C4orf51: variants seen among roughly 807,000 people sequenced by gnomAD.
The protein encoded by C4orf51 is uncharacterized protein C4orf51.
C4orf51 carries 25 observed loss-of-function variants against 25.2 expected under a neutral mutation model. That is an observed-to-expected ratio of 0.99 (90% CI 0.72 to 1.39). The LOEUF (loss-of-function observed/expected upper bound fraction) is 1.39, where lower values mean the gene tolerates loss of function less well. C4orf51 is among the 40% of genes most tolerant of loss of function. The pLI is 0.00. For synonymous variants in C4orf51, 100 were observed against 84.5 expected (o/e 1.18, Z -1.01); for missense variants, 252 against 239.6 (o/e 1.05, Z -0.34).
chr4:145,711,283 C>T (rs1028519997), intron 2 of C4orf51, among the ~76,000 whole-genome samples: 1 of 152,168 alleles, frequency 6.6e-6, no homozygotes, highest in Admixed American at 6.5e-5. Flanking sequence ...ACTTTTCAAA[C>T]CTATACTGTT....
intron 2 of C4orf51, among the ~76,000 whole-genome samples, chr4:145,720,530 G>A (rs1422250535): frequency 6.6e-6 from 1 of 152,146 alleles, no homozygotes; most frequent in Non-Finnish European, 1.5e-5. Context: ...TGCTAGCTGA[G>A]GTGCTGCACT....
the C4orf51 span, among the ~76,000 whole-genome samples, chr4:145,792,137 T>C: frequency 6.6e-6 from 1 of 152,174 alleles, no homozygotes; most frequent in South Asian, 2.1e-4. Flanking sequence ...GCCAATACCA[T>C]GTGTTAAATG....
At chr4:145,710,805 G>T (rs1449113054) in intron 2 of C4orf51, among the ~76,000 whole-genome samples, 1 of 151,760 alleles carries the variant, frequency 6.6e-6, no homozygotes, top group Admixed American at 6.6e-5. Context: ...GGGGTGTGGG[G>T]TGGGGGTAGG....
the C4orf51 span, among the ~76,000 whole-genome samples, chr4:145,780,192 AAAACAAAC>A: frequency 2.7e-4 from 41 of 151,250 alleles, no homozygotes; most frequent in East Asian, 1.2e-3. Context: ...CGCTGTCTCA[AAAACAAAC>A]AAACAAACAA....
intron 2 of C4orf51, among the ~76,000 whole-genome samples, chr4:145,704,954 T>C (rs1206064927): frequency 6.6e-6 from 1 of 152,220 alleles, no homozygotes; most frequent in African/African-American, 2.4e-5. Context: ...AGAGATCAAG[T>C]GCGCAGTTTG....
chr4:145,716,177 T>A (rs1436343827), intron 2 of C4orf51, among the ~76,000 whole-genome samples: 1 of 151,980 alleles, frequency 6.6e-6, no homozygotes, highest in African/African-American at 2.4e-5. Context: ...CTCAATAAAA[T>A]TTTTTTTTCT....
downstream of C4orf51, chr4:145,775,909 G>C: frequency 6.2e-7 from 1 of 1,614,182 alleles, no homozygotes; most frequent in Non-Finnish European, 8.5e-7. Context: ...GTTCAGATTT[G>C]CACGGCACTT....
At position 145,761,700 on chromosome 4, in the gene C4orf51, T is replaced by C. The variant is rs1261072707; in HGVS notation, n.167-9288T>C. ...CCTTCCCTCACACCACCCCCCAGTG[T>C]CTGAGGCCTGGCCTGCCCAGCCCAG... On this transcript the variant is annotated intron_variant and non_coding_transcript_variant, in intron 1 of 1. Transcript: ENST00000510096. The surrounding 1 kb of genome is among the most constrained non-coding windows in gnomAD (Gnocchi z 6.8). 5 of 743,112 alleles carry C rather than the reference T, an allele frequency of 6.7e-6. No homozygotes were observed. The highest frequency in any genetic ancestry group is 5.5e-5 in the African/African-American group (3 of 54,098). 46.0% of individuals were successfully genotyped at this position (743,112 alleles called of 1,614,324 possible).
intron 1 of C4orf51, among the ~76,000 whole-genome samples, chr4:145,750,518 G>T (rs532565537): frequency 6.7e-6 from 1 of 150,066 alleles, no homozygotes; most frequent in Non-Finnish European, 1.5e-5. Flanking sequence ...ACATATTGGA[G>T]CTCCATTGTA....
the C4orf51 span, among the ~76,000 whole-genome samples, chr4:145,781,064 C>T: frequency 1.3e-5 from 2 of 151,602 alleles, no homozygotes; most frequent in Admixed American, 6.6e-5. Flanking sequence ...GGCGTGGTGG[C>T]GGGCGCCTGA....
At chr4:145,788,102 A>G in the C4orf51 span, among the ~76,000 whole-genome samples, 1 of 152,212 alleles carries the variant, frequency 6.6e-6, no homozygotes, top group Non-Finnish European at 1.5e-5. Flanking sequence ...TATGAAATCA[A>G]TGCTAACTGC....
In C4orf51 at chr4:145,763,859, C is replaced by T. The variant is rs756553565; in HGVS notation, n.167-7129C>T. On this transcript the variant is annotated intron_variant and non_coding_transcript_variant, in intron 1 of 1. Coordinates refer to the C4orf51 transcript ENST00000510096. This position sits in a 1 kb window ranked among gnomAD's most constrained non-coding sequence, Gnocchi z 4.6. ...TCCCCAATCCCTTCTGCCCTCCCCT[C>T]CCCCTCCCCCAAGAGTGAAACGAAA... 1.4e-4 allele frequency among the ~76,000 whole-genome samples: 21 copies of T among 152,030 alleles called. No homozygotes were observed. The highest frequency in any genetic ancestry group is 2.5e-4 in the Non-Finnish European group (17 of 68,004).
At chr4:145,695,532 CTGTT>C (rs1181653765) in intron 1 of C4orf51, among the ~76,000 whole-genome samples, 1 of 152,098 alleles carries the variant, frequency 6.6e-6, no homozygotes, top group African/African-American at 2.4e-5. Context: ...TGTAGGTTGT[CTGTT>C]TACTCTGTTG....
the C4orf51 span, among the ~76,000 whole-genome samples, chr4:145,785,693 AATT>A: frequency 4.6e-5 from 7 of 152,348 alleles, no homozygotes; most frequent in Non-Finnish European, 1.0e-4. Context: ...GAACCTAAGT[AATT>A]ACCCCAGGTA....
intron 3 of C4orf51, 59 bp from the exon 4 acceptor site, chr4:145,729,110 A>T: frequency 8.6e-7 from 1 of 1,162,206 alleles, no homozygotes; most frequent in East Asian, 2.4e-5. Flanking sequence ...AATGAATTTT[A>T]TTAGATTTCT....
At chr4:145,708,677 A>T (rs530581741) in intron 2 of C4orf51, among the ~76,000 whole-genome samples, 19 of 152,270 alleles carry the variant, frequency 1.2e-4, no homozygotes, top group African/African-American at 4.6e-4. Flanking sequence ...GTCTTACCAT[A>T]TACCCCTAAC....
At chr4:145,709,431 C>T (rs1578967854) in intron 2 of C4orf51, among the ~76,000 whole-genome samples, 1 of 152,222 alleles carries the variant, frequency 6.6e-6, no homozygotes, top group Non-Finnish European at 1.5e-5. Flanking sequence ...GGTTGGAAGT[C>T]ATCCAAGTTG....
intron 4 of C4orf51, 28 bp from the exon 5 acceptor site, chr4:145,729,862 ACT>A: frequency 6.3e-7 from 1 of 1,584,072 alleles, no homozygotes; most frequent in Non-Finnish European, 8.7e-7. Context: ...TATCGCAAAC[ACT>A]CACACATTGG....
In C4orf51 at chr4:145,761,101, G is replaced by C. The variant is rs558142715; in HGVS notation, n.167-9887G>C. 2 of 1,289,494 alleles carry C rather than the reference G, an allele frequency of 1.6e-6. No homozygotes were observed. Among genetic ancestry groups the C allele is most frequent in the African/African-American group, 3.0e-5 (2 of 65,882 alleles). The allele number at this position is 1,289,494 out of a possible 1,614,324, so 79.9% of individuals were successfully genotyped here. On this transcript the variant is annotated intron_variant and non_coding_transcript_variant, in intron 1 of 1. Transcript: ENST00000510096. This position sits in a 1 kb window ranked among gnomAD's most constrained non-coding sequence, Gnocchi z 6.8. ...TGACAGGGGAGACAGGAGATTCCGG[G>C]AGCTCCCGACCACCAGGAGCGGGGC...
Sources: allele counts gnomAD v4.1 joint callset (sites outside exome capture counted in the v4.1 genomes callset), GRCh38; gene constraint gnomAD v4.1.1; non-coding constraint Gnocchi (gnomAD v3.1); transcripts MANE v1.5; gene names NCBI Gene and HGNC (gene_info 2026-07-23, HGNC 2026-07-21).